BST1: variants seen among roughly 807,000 people sequenced by gnomAD.
The protein encoded by BST1 is bone marrow stromal cell antigen 1.
Under a neutral mutation model 40.6 loss-of-function variants are expected in BST1, and 49 were observed. The ratio of observed to expected loss-of-function variants is 1.21; its 90% CI spans 0.96 to 1.53. The LOEUF (loss-of-function observed/expected upper bound fraction) is 1.53. Ranked by LOEUF, BST1 falls within the 40% of genes most tolerant of loss-of-function variation. The probability of loss-of-function intolerance (pLI) is 0.00; values close to 1 mark genes in which losing one functional copy is unlikely to be tolerated. For synonymous variants in BST1, 157 were observed against 159.3 expected (o/e 0.99, Z 0.11); for missense variants, 423 against 395.9 (o/e 1.07, Z -0.58).
At chr4:15,705,714 T>C (rs1390099808) in intron 2 of BST1, 73 bp downstream of exon 2, 1 of 1,547,468 alleles carries the variant, frequency 6.5e-7, no homozygotes, top group Non-Finnish European at 8.9e-7. Flanking sequence ...TGGGCCAGGT[T>C]GACATTAGCT....
the BST1 span, among the ~76,000 whole-genome samples, chr4:15,759,373 T>C: frequency 1.3e-5 from 2 of 151,918 alleles, no homozygotes; most frequent in Non-Finnish European, 2.9e-5. Context: ...GCAGGTATAG[T>C]AAGAATATTT....
At chr4:15,720,290 C>T (rs1389754234) in intron 7 of BST1, among the ~76,000 whole-genome samples, 2 of 152,138 alleles carry the variant, frequency 1.3e-5, no homozygotes, top group African/African-American at 4.8e-5. Flanking sequence ...GCTCTTCCTT[C>T]CTTAATTGAA....
chr4:15,716,415 G>C (rs1720518944), intron 6 of BST1, among the ~76,000 whole-genome samples: 1 of 152,200 alleles, frequency 6.6e-6, no homozygotes, highest in Admixed American at 6.5e-5. Flanking sequence ...AAGCTGGACA[G>C]CCATGATGGA....
At chr4:15,729,202 A>G (rs1407926642) in intron 8 of BST1, among the ~76,000 whole-genome samples, 10 of 152,220 alleles carry the variant, frequency 6.6e-5, no homozygotes, top group Admixed American at 6.5e-4. Flanking sequence ...CTGTAACCGT[A>G]GCACTTTGGG....
chr4:15,712,117 A>G (rs1183392091), intron 4 of BST1, among the ~76,000 whole-genome samples: 1 of 152,244 alleles, frequency 6.6e-6, no homozygotes, highest in East Asian at 1.9e-4. Context: ...TGTAAATGTT[A>G]GCTATACATG....
At position 15,731,210 on chromosome 4, in the gene BST1, G is replaced by T. The variant is rs1226173045; in HGVS notation, c.852-530G>T. ...ACTTTGGCCACCATGTTTTCCTTGT[G>T]TGTGAGCAGGGAGGGGCAATTTCCT... On this transcript the variant is annotated intron_variant, in intron 8 of 8. Coordinates refer to ENST00000265016, the MANE Select transcript of BST1 (RefSeq NM_004334.3). The T allele has an allele frequency of 1.3e-5, 6 of 450,782 alleles. No individual in the cohort carries two copies. The East Asian group carries it at 3.2e-4, about 24-fold the overall frequency. 27.9% of individuals were successfully genotyped at this position (450,782 alleles called of 1,614,324 possible). A position where few individuals can be genotyped will look rare whatever the true frequency, so the allele number is the denominator to read the frequency against.
chr4:15,727,447 T>G (rs1478950734), intron 8 of BST1, among the ~76,000 whole-genome samples: 1 of 152,226 alleles, frequency 6.6e-6, no homozygotes, highest in Non-Finnish European at 1.5e-5. Flanking sequence ...TTCTAATCTA[T>G]TTTTTAAACA....
At chr4:15,718,766 A>G (rs1185623226) in intron 6 of BST1, 141 bp from the exon 7 acceptor site, 2 of 673,598 alleles carry the variant, frequency 3.0e-6, no homozygotes, top group Admixed American at 6.2e-5. Flanking sequence ...GCCCTTTTTA[A>G]ACCAGAGACA....
chr4:15,754,661 C>T, the BST1 span, among the ~76,000 whole-genome samples: 13 of 152,272 alleles, frequency 8.5e-5, no homozygotes, highest in Non-Finnish European at 1.6e-4. Flanking sequence ...ATGGAAAAAA[C>T]GGGCTCTTTC....
At chr4:15,722,280 G>A (rs978038508) in intron 7 of BST1, among the ~76,000 whole-genome samples, 1 of 152,198 alleles carries the variant, frequency 6.6e-6, no homozygotes, top group Non-Finnish European at 1.5e-5. Context: ...GGTTATTGTG[G>A]TCAGCTTTCT....
At chr4:15,745,233 C>T in the BST1 span, among the ~76,000 whole-genome samples, 1 of 152,022 alleles carries the variant, frequency 6.6e-6, no homozygotes, top group Non-Finnish European at 1.5e-5. Flanking sequence ...TTTACTGTAT[C>T]ATATAAAATT....
chr4:15,726,621 T>G (rs1721128187), intron 8 of BST1, among the ~76,000 whole-genome samples: 1 of 152,230 alleles, frequency 6.6e-6, no homozygotes, highest in South Asian at 2.1e-4. Context: ...AAGTCTTGGA[T>G]AGGGAAGTGT....
In BST1 at chr4:15,726,136, GT is replaced by G. The variant is rs58225702; in HGVS notation, c.851+3221del. Among the ~76,000 whole-genome samples the G allele has an allele frequency of 3.4e-3, 369 of 107,580 alleles. 3 individuals carry two copies. Among genetic ancestry groups the G allele is most frequent in the African/African-American group, 0.011 (293 of 27,682 alleles). The allele number at this position is 107,580 out of a possible 152,430, so 70.6% of individuals were successfully genotyped here. A position where few individuals can be genotyped will look rare whatever the true frequency, so the allele number is the denominator to read the frequency against. On this transcript the variant is annotated intron_variant, in intron 8 of 8. Transcript: ENST00000265016. ...ACCACTACGCCAGCTAACTTTTAAA[GT>G]TTTTTTTTTTTTTTTTTTGTAGAGA...
chr4:15,753,625 C>T, the BST1 span, among the ~76,000 whole-genome samples: 2 of 152,182 alleles, frequency 1.3e-5, no homozygotes, highest in African/African-American at 2.4e-5. Context: ...TGTGGCCCAG[C>T]CATGGCACAG....
chr4:15,715,479 T>C, intron 5 of BST1, 118 bp downstream of exon 5: 1 of 1,118,962 alleles, frequency 8.9e-7, no homozygotes, highest in South Asian at 1.4e-5. Flanking sequence ...TTCTGTAAAT[T>C]CAGGTAAAGC....
intron 4 of BST1, among the ~76,000 whole-genome samples, chr4:15,713,559 G>A (rs1560280410): frequency 1.3e-5 from 2 of 152,108 alleles, no homozygotes; most frequent in East Asian, 1.9e-4. Flanking sequence ...ATAAAGTAAG[G>A]TACAGAGAGG....
downstream of BST1, chr4:15,736,139 A>C (rs1250863472): frequency 1.6e-6 from 2 of 1,287,580 alleles, no homozygotes. Context: ...AAGGTAAATC[A>C]TGGGTTTCAA....
the BST1 span, among the ~76,000 whole-genome samples, chr4:15,764,928 G>A: frequency 6.7e-6 from 1 of 150,258 alleles, no homozygotes; most frequent in Non-Finnish European, 1.5e-5. Context: ...ATGAATTCCA[G>A]AGCCCTATTG....
intron 2 of BST1, among the ~76,000 whole-genome samples, chr4:15,706,214 G>A (rs1719876166): frequency 6.6e-6 from 1 of 152,150 alleles, no homozygotes; most frequent in African/African-American, 2.4e-5. Flanking sequence ...TAGATCTCCC[G>A]CTGGTTGTGG....
Sources: gnomAD v4.1 joint callset for allele counts (sites outside exome capture counted in the v4.1 genomes callset) on GRCh38, gnomAD v4.1.1 for gene constraint, MANE v1.5 for transcripts, NCBI Gene and HGNC (gene_info 2026-07-23, HGNC 2026-07-21) for gene names.